TBC1D14: variants seen among roughly 807,000 people sequenced by gnomAD.
TBC1D14 encodes the protein TBC1 domain family, member 14.
TBC1D14 carries 26 observed loss-of-function variants against 79.0 expected under a neutral mutation model. The ratio of observed to expected loss-of-function variants is 0.33; its 90% CI spans 0.24 to 0.46. TBC1D14 has a LOEUF of 0.46. Among genes scored for constraint, TBC1D14 ranks in the 20% least tolerant of loss-of-function variants. The pLI is 1.00. For missense variants in TBC1D14, 769 were observed against 887.6 expected, an observed-to-expected ratio of 0.87 and a Z score of 1.70; for synonymous variants, 394 against 349.9, an observed-to-expected ratio of 1.13 and a Z score of -1.40.
intron 1 of TBC1D14, among the ~76,000 whole-genome samples, chr4:6,920,014 A>G (rs1045158279): frequency 6.6e-6 from 1 of 151,572 alleles, no homozygotes; most frequent in African/African-American, 2.4e-5. Context: ...TCCTGGGCTC[A>G]AGAGATCTCC....
At chr4:6,968,239 T>G (rs1262601058) in intron 3 of TBC1D14, among the ~76,000 whole-genome samples, 1 of 151,784 alleles carries the variant, frequency 6.6e-6, no homozygotes. Context: ...GGCACCGGAG[T>G]TGGAAGGGAC....
chr4:6,931,173 A>G (rs1010032025), intron 2 of TBC1D14, among the ~76,000 whole-genome samples: 1 of 152,180 alleles, frequency 6.6e-6, no homozygotes, highest in Non-Finnish European at 1.5e-5. Context: ...TGCTGGGATT[A>G]CAGGCGTGAG....
intron 3 of TBC1D14, among the ~76,000 whole-genome samples, chr4:6,977,879 G>A (rs767086372): frequency 0.01 from 1,484 of 146,800 alleles, 2 homozygotes; most frequent in Middle Eastern, 0.029. Flanking sequence ...TGTGGGGAGC[G>A]CCTCTGCCCT....
intron 2 of TBC1D14, among the ~76,000 whole-genome samples, chr4:6,931,475 G>T (rs1174467930): frequency 6.6e-6 from 1 of 152,152 alleles, no homozygotes; most frequent in African/African-American, 2.4e-5. Flanking sequence ...GAAACATGCA[G>T]CTGATGGTGT....
chr4:7,030,381 C>T lies in TBC1D14; in HGVS notation c.2071C>T (p.Leu691Phe), dbSNP rs1350297845. Reference sequence around the variant, plus strand: ...GGAAATGGAGAAGGGAAGTCCGTCCCTCCGACACTGAGGCTGCAGCGGGAA... The same window carrying T: ...GGAAATGGAGAAGGGAAGTCCGTCCTTCCGACACTGAGGCTGCAGCGGGAA... ...SREMEKGSPS[L>F]RH The change falls in exon 14 of 14, where the codon CTC (leucine) becomes TTC (phenylalanine). Residue 691 changes from leucine to phenylalanine, a missense_variant. Coordinates refer to ENST00000409757, the MANE Select transcript of TBC1D14 (RefSeq NM_020773.3). 2 of 1,614,028 alleles carry T rather than the reference C, an allele frequency of 1.2e-6. No individual in the cohort carries two copies. Among genetic ancestry groups the T allele is most frequent in the Non-Finnish European group, 1.7e-6 (2 of 1,179,906 alleles).
intron 2 of TBC1D14, among the ~76,000 whole-genome samples, chr4:6,929,360 C>G (rs1416666899): frequency 6.6e-6 from 1 of 152,176 alleles, no homozygotes; most frequent in Non-Finnish European, 1.5e-5. Context: ...GGTGGGCAGA[C>G]TAGTGCTGGA....
chr4:7,000,247 G>T (rs150358625), intron 6 of TBC1D14, among the ~76,000 whole-genome samples: 1 of 152,154 alleles, frequency 6.6e-6, no homozygotes, highest in African/African-American at 2.4e-5. Context: ...CTGCAGGGCC[G>T]TGGGTTGGAT....
intron 3 of TBC1D14, among the ~76,000 whole-genome samples, chr4:6,968,417 G>C (rs576391717): frequency 6.6e-6 from 1 of 152,204 alleles, no homozygotes; most frequent in Admixed American, 6.5e-5. Context: ...CTCAGCACTC[G>C]TGTTTCTAGT....
intron 7 of TBC1D14, 67 bp downstream of exon 7, chr4:7,001,318 C>A: frequency 7.3e-7 from 1 of 1,364,586 alleles, no homozygotes; most frequent in Non-Finnish European, 1.0e-6. Flanking sequence ...TCCCTTTTGC[C>A]CTGTTGGAAA....
At chr4:6,939,050 G>A (rs376572628) in intron 2 of TBC1D14, among the ~76,000 whole-genome samples, 21 of 152,284 alleles carry the variant, frequency 1.4e-4, no homozygotes, top group African/African-American at 4.8e-4. Flanking sequence ...AACCCTCTCC[G>A]GCTCAGCCGG....
chr4:7,017,230 G>T (rs1444374435), intron 12 of TBC1D14, among the ~76,000 whole-genome samples: 2 of 151,746 alleles, frequency 1.3e-5, no homozygotes, highest in Non-Finnish European at 2.9e-5. Context: ...AACCCAGGAG[G>T]CAGAGGTTGC....
At chr4:6,978,218 C>A (rs1368979872) in intron 3 of TBC1D14, among the ~76,000 whole-genome samples, 2 of 151,736 alleles carry the variant, frequency 1.3e-5, no homozygotes, top group Non-Finnish European at 2.9e-5. Flanking sequence ...CTCTGCCCGG[C>A]CACCACCCCG....
intron 1 of TBC1D14, among the ~76,000 whole-genome samples, chr4:6,921,380 A>T (rs971063179): frequency 8.6e-5 from 13 of 151,422 alleles, no homozygotes; most frequent in Non-Finnish European, 1.6e-4. Context: ...CTAATTTAAA[A>T]TTTTTTTTAA....
intron 3 of TBC1D14, among the ~76,000 whole-genome samples, chr4:6,991,837 C>T (rs2109144167): frequency 6.6e-6 from 1 of 152,352 alleles, no homozygotes; most frequent in Admixed American, 6.5e-5. Flanking sequence ...GCCGCCGCCA[C>T]TGTTTGTTGC....
At chr4:6,955,304 A>G (rs1028235547) in intron 2 of TBC1D14, among the ~76,000 whole-genome samples, 5 of 152,260 alleles carry the variant, frequency 3.3e-5, no homozygotes, top group Middle Eastern at 3.4e-3. Flanking sequence ...TGCCTTCTCT[A>G]CCTTTGGTGA....
chr4:6,986,651 AG>A (rs1382320320), intron 3 of TBC1D14, among the ~76,000 whole-genome samples: 2 of 152,168 alleles, frequency 1.3e-5, no homozygotes, highest in Admixed American at 6.5e-5. Context: ...GCGGCTGACC[AG>A]AAGTAATTTT....
At chr4:7,018,801 A>T (rs575089535) in intron 12 of TBC1D14, among the ~76,000 whole-genome samples, 2 of 152,244 alleles carry the variant, frequency 1.3e-5, no homozygotes, top group Admixed American at 6.5e-5. Context: ...ACTGTCAAGC[A>T]TCTACATTTT....
At chr4:6,971,322 G>A (rs6838042) in intron 3 of TBC1D14, among the ~76,000 whole-genome samples, 2 of 152,304 alleles carry the variant, frequency 1.3e-5, no homozygotes, top group Non-Finnish European at 1.5e-5. Flanking sequence ...TGAGTCGCCC[G>A]GCGTTACTAG....
At chr4:6,978,068 GTGGGGGTC>G (rs1362977829) in intron 3 of TBC1D14, among the ~76,000 whole-genome samples, 185 of 150,624 alleles carry the variant, frequency 1.2e-3, no homozygotes, top group Middle Eastern at 6.9e-3. Context: ...TGGGAGGGAG[GTGGGGGTC>G]AGCCCCCCGC....
Sources: allele counts gnomAD v4.1 joint callset (sites outside exome capture counted in the v4.1 genomes callset), GRCh38; gene constraint gnomAD v4.1.1; transcripts MANE v1.5; gene names NCBI Gene and HGNC (gene_info 2026-07-23, HGNC 2026-07-21).